The following CACNA1E variants were observed in gnomAD, a reference collection of about 807,000 sequenced individuals.
CACNA1E encodes calcium voltage-gated channel subunit alpha1 E.
Under a neutral mutation model 259.2 loss-of-function variants are expected in CACNA1E, and 40 were observed. That is an observed-to-expected ratio of 0.15 (90% CI 0.12 to 0.20). The LOEUF is 0.20. CACNA1E is among the 10% of genes least tolerant of loss of function. The pLI, the probability that CACNA1E is intolerant of heterozygous loss-of-function variation, is 1.00. For synonymous variants in CACNA1E, 1,104 were observed against 1,138.5 expected (o/e 0.97, Z 0.61); for missense variants, 1,874 against 3,040.1 (o/e 0.62, Z 9.02).
intron 7 of CACNA1E, among the ~76,000 whole-genome samples, chr1:181,693,684 G>A (rs1387629611): frequency 6.6e-6 from 1 of 151,990 alleles, no homozygotes; most frequent in Non-Finnish European, 1.5e-5. Flanking sequence ...AAACTGTTGG[G>A]CACTATAGTC....
chr1:181,751,753 G>T (rs577071313), intron 26 of CACNA1E, among the ~76,000 whole-genome samples: 1 of 152,182 alleles, frequency 6.6e-6, no homozygotes, highest in Admixed American at 6.5e-5. Context: ...TACTGCTCAC[G>T]TTCCCTAGTT....
At chr1:181,582,768 G>A (rs1169727158) in intron 6 of CACNA1E, among the ~76,000 whole-genome samples, 16 of 152,182 alleles carry the variant, frequency 1.1e-4, no homozygotes, top group Admixed American at 1.0e-3. Flanking sequence ...TGCTATCATA[G>A]TGCTCTCTTC....
rs74127809 is a variant in CACNA1E, at chr1:181,635,583, G to T, written c.952-15755G>T. Among the ~76,000 whole-genome samples the T allele has an allele frequency of 5.3e-3, 801 of 152,242 alleles. 6 individuals are homozygous for T. The highest frequency in any genetic ancestry group is 0.019 in the African/African-American group (771 of 41,530). ...TATACTTTAGCAAGCATCACCTAAAGGGCTTATTAAAACACAGATTGCTGA... is the reference window on the plus strand; with the variant it reads ...TATACTTTAGCAAGCATCACCTAAATGGCTTATTAAAACACAGATTGCTGA... On this transcript the variant is annotated intron_variant, in intron 6 of 47. Transcript: ENST00000367573.
chr1:181,694,314 A>G (rs1350805313), intron 7 of CACNA1E, among the ~76,000 whole-genome samples: 1 of 152,200 alleles, frequency 6.6e-6, no homozygotes, highest in Non-Finnish European at 1.5e-5. Context: ...TTTATAATAA[A>G]GACTTGCAGT....
rs55700671 is a variant in CACNA1E at position 181,752,307 on chromosome 1, C to A, written c.3828+68C>A. 15 of 1,163,054 alleles carry A rather than the reference C, an allele frequency of 1.3e-5. No homozygotes were observed. In the East Asian group the frequency reaches 3.0e-4, roughly 24 times the overall value. 72.0% of individuals were successfully genotyped at this position (1,163,054 alleles called of 1,614,324 possible). A position where few individuals can be genotyped will look rare whatever the true frequency, so the allele number is the denominator to read the frequency against. On this transcript the variant is annotated intron_variant, in intron 27 of 47. Coordinates refer to ENST00000367573, the MANE Select transcript of CACNA1E (RefSeq NM_001205293.3). ...ATCTTCTCTCTTTAGCCATGGCTGG[C>A]CTGCCTTTGGAGAATTTGTTCTGGG...
intron 2 of CACNA1E, among the ~76,000 whole-genome samples, chr1:181,439,302 A>T (rs574911814): frequency 6.6e-6 from 1 of 151,104 alleles, no homozygotes; most frequent in East Asian, 1.9e-4. Flanking sequence ...TTCCCTGTAA[A>T]TTTTAGAAGG....
intron 1 of CACNA1E, among the ~76,000 whole-genome samples, chr1:181,343,563 G>A (rs55846511): frequency 6.6e-6 from 1 of 152,304 alleles, no homozygotes; most frequent in Non-Finnish European, 1.5e-5. Flanking sequence ...CTCAGGTACA[G>A]GGTGCAGAAT....
In CACNA1E at chr1:181,718,124, C is replaced by G. The variant is rs1654075290; in HGVS notation, c.1595C>G (p.Pro532Arg). ...EMSLKMYGMGPRLYFHSSFNC... is the reference protein window; with the variant it reads ...EMSLKMYGMGRRLYFHSSFNC... The stretch of plus-strand genomic sequence containing the variant: ...TCCCTGAAGATGTATGGCATGGGGC[C>G]TCGCCTTTATTTTCACTCTTCATTC... The change falls in exon 12 of 48, where the codon CCT becomes CGT. Residue 532 changes from proline to arginine, a missense_variant. Pro to Arg is a moderately radical substitution (Grantham distance 103). Around this residue, in one of 14 missense-constraint regions of CACNA1E, gnomAD observed 102 missense variants for 279.4 expected, o/e 0.37. Coordinates refer to ENST00000367573, the MANE Select transcript of CACNA1E (RefSeq NM_001205293.3). The G allele has an allele frequency of 6.2e-7, 1 of 1,611,082 alleles. No individual in the cohort carries two copies. Among genetic ancestry groups the G allele is most frequent in the African/African-American group, 1.3e-5 (1 of 74,890 alleles).
At chr1:181,527,441 C>T (rs1409555934) in intron 3 of CACNA1E, among the ~76,000 whole-genome samples, 2 of 152,224 alleles carry the variant, frequency 1.3e-5, no homozygotes, top group Non-Finnish European at 2.9e-5. Flanking sequence ...CAGTCTATTA[C>T]AGTGGGCTTT....
intron 7 of CACNA1E, among the ~76,000 whole-genome samples, chr1:181,681,752 A>G (rs1171185684): frequency 6.6e-6 from 1 of 152,136 alleles, no homozygotes; most frequent in Non-Finnish European, 1.5e-5. Context: ...AAGTTATTTA[A>G]CTTCATTGAC....
chr1:181,748,946 C>T (rs1657350133), intron 25 of CACNA1E, among the ~76,000 whole-genome samples: 2 of 152,126 alleles, frequency 1.3e-5, no homozygotes, highest in African/African-American at 4.8e-5. Context: ...ACCATATGCC[C>T]TGTCTTATAT....
chr1:181,607,770 C>T (rs1367208321), intron 6 of CACNA1E, among the ~76,000 whole-genome samples: 1 of 152,126 alleles, frequency 6.6e-6, no homozygotes, highest in Non-Finnish European at 1.5e-5. Flanking sequence ...TTGCTCTTAA[C>T]TACAGAGAAG....
intron 2 of CACNA1E, among the ~76,000 whole-genome samples, chr1:181,468,768 C>T (rs1245666761): frequency 6.6e-6 from 1 of 151,940 alleles, no homozygotes; most frequent in African/African-American, 2.4e-5. Flanking sequence ...AATTTTTTGG[C>T]AGGTGGCTAT....
chr1:181,440,477 A>G (rs900700011), intron 2 of CACNA1E, among the ~76,000 whole-genome samples: 3 of 152,184 alleles, frequency 2.0e-5, no homozygotes, highest in African/African-American at 7.2e-5. Flanking sequence ...CTGTCAATCC[A>G]CCAAAGAACA....
chr1:181,516,343 CCACACACACACA>C (rs3080529), intron 3 of CACNA1E, among the ~76,000 whole-genome samples: 122 of 143,436 alleles, frequency 8.5e-4, no homozygotes, highest in Middle Eastern at 3.5e-3. Flanking sequence ...GTGCCAAAGA[CCACACACACACA>C]CACACACACA....
intron 8 of CACNA1E, among the ~76,000 whole-genome samples, chr1:181,712,088 G>A (rs1358008378): frequency 6.6e-6 from 1 of 152,156 alleles, no homozygotes; most frequent in African/African-American, 2.4e-5. Context: ...TCAACATTAG[G>A]AATAGTTCTC....
intron 7 of CACNA1E, among the ~76,000 whole-genome samples, chr1:181,696,217 CTT>C (rs370452246): frequency 2.2e-4 from 32 of 146,074 alleles, no homozygotes; most frequent in Admixed American, 3.4e-4. Context: ...TAACATATAT[CTT>C]TTTTTTTTTT....
chr1:181,589,838 G>A (rs1488322956), intron 6 of CACNA1E, among the ~76,000 whole-genome samples: 3 of 152,224 alleles, frequency 2.0e-5, no homozygotes. Context: ...AAAGATGTCA[G>A]AGCTCTTGAT....
intron 1 of CACNA1E, among the ~76,000 whole-genome samples, chr1:181,394,265 A>C (rs1157339494): frequency 6.6e-6 from 1 of 152,204 alleles, no homozygotes; most frequent in Non-Finnish European, 1.5e-5. Flanking sequence ...GAGCCTTGTA[A>C]AATGGGAGGT....
Sources: gnomAD v4.1 joint callset for allele counts (sites outside exome capture counted in the v4.1 genomes callset) on GRCh38, gnomAD v4.1.1 for gene constraint, gnomAD v4.1.1 regional missense constraint, MANE v1.5 for transcripts, NCBI Gene and HGNC (gene_info 2026-07-23, HGNC 2026-07-21) for gene names.